TCF3: variants seen among roughly 807,000 people sequenced by gnomAD.
TCF3 encodes the protein transcription factor E2-alpha.
Under a neutral mutation model 72.3 loss-of-function variants are expected in TCF3, and 54 were observed. That is an observed-to-expected ratio of 0.75 (90% CI 0.60 to 0.94). The LOEUF (loss-of-function observed/expected upper bound fraction) is 0.94, where lower values mean the gene tolerates loss of function less well. Ranked by LOEUF, TCF3 falls within the 40% of genes least tolerant of loss-of-function variation. TCF3 has a pLI of 0.00. For synonymous variants in TCF3, 525 were observed against 412.6 expected, an observed-to-expected ratio of 1.27 and a Z score of -3.30; for missense variants, 1,078 against 934.4, an observed-to-expected ratio of 1.15 and a Z score of -2.00.
At chr19:1,616,742 G>GCAT (rs2061584733) in intron 16 of TCF3, 1 of 152,076 alleles carries the variant, frequency 6.6e-6, no homozygotes, top group African/African-American at 2.4e-5. Context: ...CCTGCACTCT[G>GCAT]GTGTGACAGG....
chr19:1,622,436 G>A, intron 8 of TCF3, 21 bp from the exon 9 acceptor site: 1 of 1,281,940 alleles, frequency 7.8e-7, no homozygotes. Flanking sequence ...GTGGGCGGTG[G>A]GGGGTGCAGT....
chr19:1,609,528 TG>T lies in TCF3; in HGVS notation c.*2178del, dbSNP rs1341749879. On this transcript the variant is annotated 3_prime_UTR_variant, in exon 19 of 19. Transcript: ENST00000262965. Reference sequence around the variant, plus strand: ...AACTGCTGTTTCTTCCTCCTCGCGCTGGGTGAATCTCGTTTGAATTCTATGC... The same window carrying T: ...AACTGCTGTTTCTTCCTCCTCGCGCTGGTGAATCTCGTTTGAATTCTATGC... 3 of 197,828 alleles carry T rather than the reference TG, an allele frequency of 1.5e-5. No individual in the cohort carries two copies. The highest frequency in any genetic ancestry group is 3.1e-5 in the Non-Finnish European group (3 of 96,450). The allele number at this position is 197,828 out of a possible 1,614,324, so 12.3% of individuals were successfully genotyped here.
rs903652405 is a variant in TCF3, at chr19:1,615,001, G to A, written c.1822+284C>T. ...GAGCCCCGTGGAGCTGGGAGATACA[G>A]TTCTGAGCCACAGAGCCCAGGCCTG... is the stretch of plus-strand genomic sequence containing the variant. On this transcript the variant is annotated intron_variant, in intron 18 of 18. Transcript: ENST00000262965. The surrounding 1 kb of genome is among the most constrained non-coding windows in gnomAD (Gnocchi z 7.3). Among the ~76,000 whole-genome samples the A allele has an allele frequency of 1.3e-5, 2 of 152,152 alleles. No homozygotes were observed. The highest frequency in any genetic ancestry group is 4.8e-5 in the African/African-American group (2 of 41,436).
intron 11 of TCF3, among the ~76,000 whole-genome samples, chr19:1,621,620 C>T (rs561000788): frequency 1.3e-5 from 2 of 152,106 alleles, no homozygotes; most frequent in Admixed American, 1.3e-4. Flanking sequence ...AGCTGTAAGG[C>T]GGGAAAGCCG....
At chr19:1,618,681 A>C (rs1490272428) in intron 16 of TCF3, among the ~76,000 whole-genome samples, 7 of 152,022 alleles carry the variant, frequency 4.6e-5, no homozygotes, top group Non-Finnish European at 1.0e-4. Flanking sequence ...TGCTGCCCAA[A>C]CACCACCTTG....
rs780251865 is a variant in TCF3 at position 1,646,414 on chromosome 19, G to C, written c.86C>G (p.Pro29Arg). 269 of 1,550,250 alleles carry C rather than the reference G, an allele frequency of 1.7e-4. No homozygotes were observed. Among genetic ancestry groups the C allele is most frequent in the Middle Eastern group, 5.0e-4 (3 of 5,988 alleles). The change falls in exon 3 of 19, where the codon CCT becomes CGT. Residue 29 changes from proline (P) to arginine (R), a missense_variant. By Grantham distance (103) the Pro-to-Arg change is moderately radical. Transcript: ENST00000262965. ...LLDFSMMFPL[P>R]VTNGKGRPAS... Reference sequence around the variant, plus strand: ...GGGCCGGCCCTTCCCGTTGGTGACAGGCAGCGGGAACATCTGCAGGGAGGG... The same window carrying C: ...GGGCCGGCCCTTCCCGTTGGTGACACGCAGCGGGAACATCTGCAGGGAGGG...
intron 5 of TCF3, among the ~76,000 whole-genome samples, chr19:1,631,600 C>A (rs1033947778): frequency 6.6e-6 from 1 of 152,012 alleles, no homozygotes; most frequent in African/African-American, 2.4e-5. Context: ...AACAGGAGGG[C>A]CCCCCAGGGA....
rs758559871 is a variant in TCF3, at chr19:1,610,924, CGGGGGG to C, written c.*777_*782del. Reference sequence around the variant, plus strand: ...CGTTCTGTCTGTGTGCAGTGGCTTCCGGGGGGGGGGGGGGACGGGGGGGCTCAGGTT... The same window carrying C: ...CGTTCTGTCTGTGTGCAGTGGCTTCCGGGGGGGGACGGGGGGGCTCAGGTT... On this transcript the variant is annotated 3_prime_UTR_variant, in exon 19 of 19. Transcript: ENST00000262965. The C allele has an allele frequency of 5.6e-5, 3 of 53,940 alleles. No individual in the cohort carries two copies. The highest frequency in any genetic ancestry group is 1.1e-4 in the Non-Finnish European group (3 of 27,954). The allele number at this position is 53,940 out of a possible 1,614,324, so 3.3% of individuals were successfully genotyped here.
Position 1,619,419 on chromosome 19 carries a change from G to A in TCF3, c.1223C>T (p.Ala408Val). ...GTGCATGTCGCCGGCTGTGCCCACG[G>A]CGTGGCTGCGGAGCACGTGGATGGC... ...DEAIHVLRSH[A>V]VGTAGDMHTL... Residue 408 changes from alanine (A) to valine (V), a missense_variant, in exon 15 of 19, where the codon GCC becomes GTC. Physicochemically the swap from Ala to Val is moderately conservative, Grantham distance 64. Coordinates refer to ENST00000262965, the MANE Select transcript of TCF3 (RefSeq NM_003200.5). 6.3e-7 allele frequency: 1 copy of A among 1,592,364 alleles called. No individual in the cohort carries two copies.
At position 1,623,686 on chromosome 19, in the gene TCF3, A is replaced by G. The variant is rs139839503; in HGVS notation, c.549+265T>C. ...GGCATGAGCCACCACACCCAGCACA[A>G]TTGTGCCCTTTCTAAAGGGGCCTCA... On this transcript the variant is annotated intron_variant, in intron 8 of 18. Coordinates refer to ENST00000262965, the MANE Select transcript of TCF3 (RefSeq NM_003200.5). Among the ~76,000 whole-genome samples the G allele has an allele frequency of 7.9e-5, 12 of 152,214 alleles. No individual in the cohort carries two copies. The East Asian group carries it at 1.9e-3, about 25-fold the overall frequency.
At chr19:1,638,529 G>A (rs1428745637) in intron 3 of TCF3, among the ~76,000 whole-genome samples, 2 of 152,112 alleles carry the variant, frequency 1.3e-5, no homozygotes, top group Non-Finnish European at 2.9e-5. Flanking sequence ...ATGATCCGCT[G>A]GCCTCGGACA....
rs2062815470 is a variant in TCF3 at position 1,625,844 on chromosome 19, G to A, written c.367-136C>T. On this transcript the variant is annotated intron_variant, in intron 6 of 18. Coordinates refer to ENST00000262965, the MANE Select transcript of TCF3 (RefSeq NM_003200.5). ...GGTGATGCCCCTTCTGCCTGTCACG[G>A]TGTTTCTCTGTGACACCTGCTGTGT... 1.1e-5 allele frequency: 12 copies of A among 1,111,924 alleles called. No individual in the cohort carries two copies. The South Asian group carries it at 1.5e-4, about 14-fold the overall frequency. The allele number at this position is 1,111,924 out of a possible 1,614,324, so 68.9% of individuals were successfully genotyped here.
In TCF3 at chr19:1,642,626, G is replaced by A. The variant is rs137857361; in HGVS notation, c.145+3729C>T. ...CTATTAAACAAGTGGCAGGTGAAAG[G>A]ACACGATCTTTGTCACCTATTAAAT... On this transcript the variant is annotated intron_variant, in intron 3 of 18. Coordinates refer to ENST00000262965, the MANE Select transcript of TCF3 (RefSeq NM_003200.5). Among the ~76,000 whole-genome samples, 332 of 152,276 alleles carry A rather than the reference G, an allele frequency of 2.2e-3. 3 individuals are homozygous for A. Among genetic ancestry groups the A allele is most frequent in the African/African-American group, 7.6e-3 (316 of 41,550 alleles).
chr19:1,638,471 T>TA (rs1381832360), intron 3 of TCF3, among the ~76,000 whole-genome samples: 1 of 152,168 alleles, frequency 6.6e-6, no homozygotes, highest in Non-Finnish European at 1.5e-5. Flanking sequence ...TTTTAACAGA[T>TA]ACGGCATTTC....
At position 1,615,153 on chromosome 19, in the gene TCF3, A is replaced by G; in HGVS notation, c.1822+132T>C. The G allele has an allele frequency of 8.3e-6, 9 of 1,080,910 alleles. No homozygotes were observed. The highest frequency in any genetic ancestry group is 1.2e-5 in the Non-Finnish European group (9 of 772,524). The allele number at this position is 1,080,910 out of a possible 1,614,324, so 67.0% of individuals were successfully genotyped here. A position where few individuals can be genotyped will look rare whatever the true frequency, so the allele number is the denominator to read the frequency against. The stretch of plus-strand genomic sequence containing the variant: ...ATGCGGTCAGAGGGGTGAAGGGCAC[A>G]GTCACTGCAAGGAGGCAACTGCTGC... On this transcript the variant is annotated intron_variant, in intron 18 of 18. Transcript: ENST00000262965. The surrounding 1 kb of genome is among the most constrained non-coding windows in gnomAD (Gnocchi z 7.3).
intron 6 of TCF3, 71 bp downstream of exon 6, chr19:1,627,288 C>A (rs1195527187): frequency 1.6e-6 from 2 of 1,266,528 alleles, no homozygotes; most frequent in African/African-American, 3.0e-5. Flanking sequence ...AGAGCTTCTG[C>A]AGATCAGAGA....
intron 3 of TCF3, among the ~76,000 whole-genome samples, chr19:1,641,666 T>C (rs2065261177): frequency 6.6e-6 from 1 of 152,156 alleles, no homozygotes; most frequent in Admixed American, 6.5e-5. Context: ...TTGACTAGGC[T>C]GGTCTTGAAC....
intron 13 of TCF3, among the ~76,000 whole-genome samples, chr19:1,620,444 G>C (rs997258735): frequency 6.6e-6 from 1 of 152,232 alleles, no homozygotes; most frequent in Admixed American, 6.5e-5. Context: ...AGGGTAAACA[G>C]TCAGTACCTA....
intron 18 of TCF3, among the ~76,000 whole-genome samples, chr19:1,613,730 GA>G (rs1356529753): frequency 6.6e-6 from 1 of 152,118 alleles, no homozygotes; most frequent in Admixed American, 6.5e-5. Flanking sequence ...ACACCCTGGG[GA>G]GGAGCCTCAG....
Sources: gnomAD v4.1 joint callset for allele counts (sites outside exome capture counted in the v4.1 genomes callset) on GRCh38, gnomAD v4.1.1 for gene constraint, Gnocchi (gnomAD v3.1) non-coding constraint, MANE v1.5 for transcripts, NCBI Gene and HGNC (gene_info 2026-07-23, HGNC 2026-07-21) for gene names.